The following CARMIL1 variants were observed in gnomAD, a reference collection of about 807,000 sequenced individuals.
CARMIL1 encodes capping protein regulator and myosin 1 linker 1.
A neutral mutation model predicts 177.1 loss-of-function variants in CARMIL1; 90 were observed. The ratio of observed to expected loss-of-function variants is 0.51; its 90% confidence interval spans 0.43 to 0.61. The LOEUF (loss-of-function observed/expected upper bound fraction) is 0.61, where lower values mean the gene tolerates loss of function less well. Among genes scored for constraint, CARMIL1 ranks in the 20% least tolerant of loss-of-function variants. CARMIL1 has a pLI of 0.00. For missense variants in CARMIL1, 1,380 were observed against 1,667.0 expected (o/e 0.83, Z 3.00); for synonymous variants, 577 against 606.2 (o/e 0.95, Z 0.71).
At chr6:25,293,896 AT>A (rs574251050) in intron 2 of CARMIL1, among the ~76,000 whole-genome samples, 6 of 151,796 alleles carry the variant, frequency 4.0e-5, no homozygotes. Flanking sequence ...TAATTTCTGT[AT>A]TTTTTGTAGA....
At chr6:25,581,479 C>G in intron 31 of CARMIL1, 40 bp downstream of exon 31, 4 of 1,530,480 alleles carry the variant, frequency 2.6e-6, no homozygotes, top group Non-Finnish European at 3.5e-6. Flanking sequence ...CTCCCACACC[C>G]TTTTCTTCTC....
Position 25,509,562 on chromosome 6 carries a change from T to G in CARMIL1, c.1396-94T>G. 1.2e-6 allele frequency: 1 copy of G among 814,792 alleles called. No individual in the cohort carries two copies. The highest frequency in any genetic ancestry group is 2.0e-6 in the Non-Finnish European group (1 of 495,342). The allele number at this position is 814,792 out of a possible 1,614,324, so 50.5% of individuals were successfully genotyped here. ...TACTTTTTCTTTGGTACTAAGTTTA[T>G]TTTAAGACTGACTGTCTCTCCTATT... On this transcript the variant is annotated intron_variant, in intron 17 of 36. Coordinates refer to ENST00000329474, the MANE Select transcript of CARMIL1 (RefSeq NM_017640.6). The surrounding 1 kb of genome is among the most constrained non-coding windows in gnomAD (Gnocchi z 4.1).
chr6:25,378,353 T>C (rs1791201693), intron 2 of CARMIL1, among the ~76,000 whole-genome samples: 1 of 152,214 alleles, frequency 6.6e-6, no homozygotes, highest in Non-Finnish European at 1.5e-5. Context: ...TTGGTCTCCC[T>C]ACACAGCAGG....
Position 25,554,188 on chromosome 6 carries a change from T to C in CARMIL1, c.2592+92T>C. The C allele has an allele frequency of 1.1e-6, 1 of 884,996 alleles. No homozygotes were observed. 54.8% of individuals were successfully genotyped at this position (884,996 alleles called of 1,614,324 possible). On this transcript the variant is annotated intron_variant, in intron 28 of 36. Transcript: ENST00000329474. The surrounding 1 kb of genome is among the most constrained non-coding windows in gnomAD (Gnocchi z 4.6). ...CGGTGTGGGGATGTGATTTCTTTTC[T>C]GTATTTCACACTATTACAGCTTTAT...
At chr6:25,428,834 G>C (rs1796489512) in intron 4 of CARMIL1, among the ~76,000 whole-genome samples, 2 of 152,036 alleles carry the variant, frequency 1.3e-5, no homozygotes. Context: ...GTCTCTTGCT[G>C]GTATTAGAAA....
chr6:25,288,413 G>T (rs1241722017), intron 2 of CARMIL1, among the ~76,000 whole-genome samples: 1 of 151,250 alleles, frequency 6.6e-6, no homozygotes, highest in Non-Finnish European at 1.5e-5. Context: ...AGGCTCAGTG[G>T]TTAAGGGCCC....
intron 15 of CARMIL1, among the ~76,000 whole-genome samples, chr6:25,493,553 C>T (rs1366214029): frequency 6.6e-6 from 1 of 152,160 alleles, no homozygotes; most frequent in East Asian, 1.9e-4. Context: ...GGAGGCAGAG[C>T]AGCCTCCTAT....
intron 23 of CARMIL1, among the ~76,000 whole-genome samples, chr6:25,523,313 CTA>C (rs1806759699): frequency 6.6e-6 from 1 of 151,986 alleles, no homozygotes; most frequent in Non-Finnish European, 1.5e-5. Context: ...TATGTAATAA[CTA>C]TGTTTAGCTG....
At chr6:25,393,550 C>G (rs926345609) in intron 2 of CARMIL1, 2 of 143,906 alleles carry the variant, frequency 1.4e-5, no homozygotes, top group African/African-American at 5.1e-5. Flanking sequence ...GAATGAAACT[C>G]CATCTCAAAA....
chr6:25,523,597 A>G (rs1454582417), intron 23 of CARMIL1, among the ~76,000 whole-genome samples: 1 of 152,224 alleles, frequency 6.6e-6, no homozygotes, highest in Non-Finnish European at 1.5e-5. Context: ...GACATATTCT[A>G]GAGAAACCAG....
intron 4 of CARMIL1, among the ~76,000 whole-genome samples, chr6:25,434,943 T>A (rs1797101566): frequency 6.6e-6 from 1 of 152,080 alleles, no homozygotes; most frequent in African/African-American, 2.4e-5. Context: ...GTCTTTAAAA[T>A]GTGTGTGTGT....
chr6:25,441,211 G>T (rs1012217693), intron 5 of CARMIL1, among the ~76,000 whole-genome samples: 1 of 151,700 alleles, frequency 6.6e-6, no homozygotes, highest in Non-Finnish European at 1.5e-5. Flanking sequence ...CTAATGGGAG[G>T]ATCACTTGAG....
intron 2 of CARMIL1, among the ~76,000 whole-genome samples, chr6:25,383,165 A>G (rs1581749300): frequency 6.6e-6 from 1 of 152,160 alleles, no homozygotes; most frequent in Non-Finnish European, 1.5e-5. Context: ...TCACAGTGTC[A>G]CAGAAAACAT....
chr6:25,558,871 T>C lies in CARMIL1; in HGVS notation c.2742+2021T>C, dbSNP rs1810868289. ...CAAAAAAAGAATATATAGGTAGGCA[T>C]GAGTTTTTAAGTCATGAAAGCAGCT... On this transcript the variant is annotated intron_variant, in intron 29 of 36. Coordinates refer to ENST00000329474, the MANE Select transcript of CARMIL1 (RefSeq NM_017640.6). The surrounding 1 kb of genome is among the most constrained non-coding windows in gnomAD (Gnocchi z 4.1). Among the ~76,000 whole-genome samples, 1 of 152,166 alleles carries C rather than the reference T, an allele frequency of 6.6e-6. No homozygotes were observed. The highest frequency in any genetic ancestry group is 2.4e-5 in the African/African-American group (1 of 41,444).
At chr6:25,400,244 C>T (rs749786305) in intron 2 of CARMIL1, among the ~76,000 whole-genome samples, 5 of 152,186 alleles carry the variant, frequency 3.3e-5, no homozygotes, top group African/African-American at 4.8e-5. Flanking sequence ...ATCCATGGTG[C>T]ACCCACTTGG....
intron 2 of CARMIL1, among the ~76,000 whole-genome samples, chr6:25,417,433 C>T (rs1443319819): frequency 6.6e-6 from 1 of 152,142 alleles, no homozygotes; most frequent in Non-Finnish European, 1.5e-5. Context: ...GCTGTATTAG[C>T]CAAAGATTAA....
At chr6:25,464,957 A>G (rs757238797) in intron 8 of CARMIL1, among the ~76,000 whole-genome samples, 2 of 151,402 alleles carry the variant, frequency 1.3e-5, no homozygotes, top group East Asian at 1.9e-4. Flanking sequence ...ATTGGAATGG[A>G]GGCAGAACTG....
intron 8 of CARMIL1, among the ~76,000 whole-genome samples, chr6:25,464,367 A>G (rs970606322): frequency 3.3e-5 from 5 of 152,124 alleles, no homozygotes; most frequent in African/African-American, 1.2e-4. Context: ...CCTTTGGCCT[A>G]GTTTCAGTTT....
chr6:25,600,514 C>T lies in CARMIL1; in HGVS notation c.3320C>T (p.Pro1107Leu). 1 of 1,613,982 alleles carries T rather than the reference C, an allele frequency of 6.2e-7. No individual in the cohort carries two copies. Among genetic ancestry groups the T allele is most frequent in the Non-Finnish European group, 8.5e-7 (1 of 1,179,888 alleles). The stretch of plus-strand genomic sequence containing the variant: ...GTCAGAAGTCCACCTGTGGACTGTC[C>T]CAGGAAGGACACAAAGGCCGCCGAG... Reference protein sequence around the residue: ...GAVRSPPVDCPRKDTKAAEHN... With the variant: ...GAVRSPPVDCLRKDTKAAEHN... The change falls in exon 33 of 37, where the codon CCC (proline) becomes CTC (leucine). Residue 1107 changes from proline (P) to leucine (L), a missense_variant. Coordinates refer to ENST00000329474, the MANE Select transcript of CARMIL1 (RefSeq NM_017640.6).
Sources: gnomAD v4.1 joint callset for allele counts (sites outside exome capture counted in the v4.1 genomes callset) on GRCh38, gnomAD v4.1.1 for gene constraint, Gnocchi (gnomAD v3.1) non-coding constraint, MANE v1.5 for transcripts, NCBI Gene and HGNC (gene_info 2026-07-23, HGNC 2026-07-21) for gene names.